Variants in CSRNP3 observed in about 807,000 individuals in gnomAD.
CSRNP3 encodes cysteine/serine-rich nuclear protein 3.
CSRNP3 carries 12 observed loss-of-function variants against 48.0 expected under a neutral mutation model. The observed-to-expected ratio is 0.25, with a 90% confidence interval of 0.16 to 0.41. The LOEUF is 0.41. Ranked by LOEUF, CSRNP3 falls within the 10% of genes least tolerant of loss-of-function variation. The pLI is 1.00. For missense variants in CSRNP3, 580 were observed against 724.4 expected (o/e 0.80, Z 2.29); for synonymous variants, 263 against 269.7 (o/e 0.98, Z 0.24).
At chr2:165,669,769 T>C (rs1387169532) in intron 5 of CSRNP3, among the ~76,000 whole-genome samples, 1 of 152,112 alleles carries the variant, frequency 6.6e-6, no homozygotes, top group Non-Finnish European at 1.5e-5. Flanking sequence ...CCATCTTAAG[T>C]GTCATCATTG....
chr2:165,561,887 A>T (rs1469334181), intron 3 of CSRNP3, among the ~76,000 whole-genome samples: 1 of 152,148 alleles, frequency 6.6e-6, no homozygotes, highest in Non-Finnish European at 1.5e-5. Flanking sequence ...ATAAGTATTT[A>T]TTATGTTAAA....
chr2:165,559,794 TTC>T lies in CSRNP3; in HGVS notation c.-23-35247_-23-35246del, dbSNP rs1472888986. On this transcript the variant is annotated intron_variant, in intron 3 of 6. Transcript: ENST00000651982. ...CTCTGAATGTAATATTTTTCTTTCT[TTC>T]TTTTTTTTTTTTTTTTTTTTTGAGA... Among the ~76,000 whole-genome samples, 85 of 122,040 alleles carry T rather than the reference TTC, an allele frequency of 7.0e-4. 1 individual carries two copies. The highest frequency in any genetic ancestry group is 2.5e-3 in the African/African-American group (81 of 32,346). The allele number at this position is 122,040 out of a possible 152,430, so 80.1% of individuals were successfully genotyped here.
At chr2:165,588,408 A>G (rs1558942387) in intron 3 of CSRNP3, among the ~76,000 whole-genome samples, 1 of 152,226 alleles carries the variant, frequency 6.6e-6, no homozygotes, top group Non-Finnish European at 1.5e-5. Context: ...TTTTAAATTT[A>G]TCATTCTGCC....
At chr2:165,577,553 A>C (rs1685472372) in intron 3 of CSRNP3, among the ~76,000 whole-genome samples, 1 of 151,890 alleles carries the variant, frequency 6.6e-6, no homozygotes, top group Admixed American at 6.6e-5. Flanking sequence ...GCAAGGTGAA[A>C]GTCAGTTTAG....
At chr2:165,586,420 C>CA (rs1421354076) in intron 3 of CSRNP3, among the ~76,000 whole-genome samples, 1 of 151,870 alleles carries the variant, frequency 6.6e-6, no homozygotes, top group Admixed American at 6.6e-5. Context: ...GTCAGATTAA[C>CA]AAAAAACAAC....
intron 2 of CSRNP3, among the ~76,000 whole-genome samples, chr2:165,495,405 T>A (rs1684271922): frequency 6.6e-6 from 1 of 152,014 alleles, no homozygotes; most frequent in African/African-American, 2.4e-5. Flanking sequence ...TTGGACACAG[T>A]TAAAACTCAG....
intron 3 of CSRNP3, among the ~76,000 whole-genome samples, chr2:165,544,955 A>G (rs989212371): frequency 1.3e-5 from 2 of 152,220 alleles, no homozygotes; most frequent in Admixed American, 1.3e-4. Context: ...GAACCAGCAA[A>G]AGAGAAAGAG....
intron 3 of CSRNP3, among the ~76,000 whole-genome samples, chr2:165,529,170 G>A (rs1450085811): frequency 1.3e-5 from 2 of 152,166 alleles, no homozygotes; most frequent in African/African-American, 4.8e-5. Flanking sequence ...AGTCAGAATG[G>A]CTAATACTTT....
intron 3 of CSRNP3, among the ~76,000 whole-genome samples, chr2:165,521,174 A>C (rs547210658): frequency 1.0e-5 from 1 of 100,092 alleles, no homozygotes; most frequent in Non-Finnish European, 2.3e-5. Flanking sequence ...TGGGAAAGCC[A>C]AAAAAAAAAA....
intron 3 of CSRNP3, among the ~76,000 whole-genome samples, chr2:165,548,721 C>T (rs1685061947): frequency 6.6e-6 from 1 of 151,900 alleles, no homozygotes; most frequent in African/African-American, 2.4e-5. Context: ...AGAGCAAGTA[C>T]CTAAAATCTA....
chr2:165,539,018 T>C (rs770065223), intron 3 of CSRNP3, among the ~76,000 whole-genome samples: 1 of 152,006 alleles, frequency 6.6e-6, no homozygotes, highest in Non-Finnish European at 1.5e-5. Flanking sequence ...TATTCTGGAA[T>C]AGTGGATTGA....
intron 4 of CSRNP3, among the ~76,000 whole-genome samples, chr2:165,627,221 T>C (rs971688265): frequency 2.0e-5 from 3 of 152,178 alleles, no homozygotes; most frequent in African/African-American, 7.2e-5. Flanking sequence ...GGCCTGAGAA[T>C]ACCTTTACCT....
At chr2:165,678,665 A>G in intron 6 of CSRNP3, 36 bp from the exon 7 acceptor site, 18 of 1,584,262 alleles carry the variant, frequency 1.1e-5, no homozygotes, top group Non-Finnish European at 1.5e-5. Context: ...GGTTTGTAAT[A>G]GTTCCATGGT....
At chr2:165,645,298 C>T (rs1325877004) in intron 4 of CSRNP3, among the ~76,000 whole-genome samples, 1 of 152,050 alleles carries the variant, frequency 6.6e-6, no homozygotes, top group Non-Finnish European at 1.5e-5. Context: ...CATGCCACTG[C>T]ACTCCAGCCT....
At chr2:165,624,644 T>G (rs1056984383) in intron 4 of CSRNP3, among the ~76,000 whole-genome samples, 2 of 152,138 alleles carry the variant, frequency 1.3e-5, no homozygotes, top group African/African-American at 2.4e-5. Context: ...TTCTCTTAAC[T>G]AAGAAGCCTT....
intron 4 of CSRNP3, among the ~76,000 whole-genome samples, chr2:165,627,212 G>C (rs1686450561): frequency 6.6e-6 from 1 of 151,996 alleles, no homozygotes; most frequent in Admixed American, 6.6e-5. Flanking sequence ...TCTCCCTCTG[G>C]CCTGAGAATA....
chr2:165,540,664 T>G (rs200600504), intron 3 of CSRNP3, among the ~76,000 whole-genome samples: 2 of 10,618 alleles, frequency 1.9e-4, no homozygotes, highest in African/African-American at 9.1e-4. Context: ...GCACCAGTTC[T>G]TTTTTTTCCC....
intron 5 of CSRNP3, among the ~76,000 whole-genome samples, chr2:165,667,015 A>G (rs1687236894): frequency 7.6e-6 from 1 of 132,380 alleles, no homozygotes; most frequent in African/African-American, 2.7e-5. Context: ...GGAAGGAAGG[A>G]AGGAAAGAGA....
chr2:165,608,469 T>C (rs1291255120), intron 4 of CSRNP3, among the ~76,000 whole-genome samples: 1 of 152,100 alleles, frequency 6.6e-6, no homozygotes, highest in Non-Finnish European at 1.5e-5. Context: ...AACAAAAGAA[T>C]TAAGAGCTGG....
Sources: gnomAD v4.1 joint callset for allele counts (sites outside exome capture counted in the v4.1 genomes callset) on GRCh38, gnomAD v4.1.1 for gene constraint, MANE v1.5 for transcripts, NCBI Gene and HGNC (gene_info 2026-07-23, HGNC 2026-07-21) for gene names.